PITPNM2: variants seen among roughly 807,000 people sequenced by gnomAD.
The protein encoded by PITPNM2 is phosphatidylinositol transfer protein membrane associated 2, also known as membrane-associated phosphatidylinositol transfer protein 2.
A neutral mutation model predicts 132.2 loss-of-function variants in PITPNM2; 35 were observed. The observed-to-expected ratio is 0.26, with a 90% CI of 0.20 to 0.35. PITPNM2 has a LOEUF of 0.35. PITPNM2 is among the 10% of genes least tolerant of loss of function. The pLI is 1.00. For missense variants in PITPNM2, 1,332 were observed against 1,912.0 expected (o/e 0.70, Z 5.66); for synonymous variants, 738 against 799.2 (o/e 0.92, Z 1.29).
intron 2 of PITPNM2, among the ~76,000 whole-genome samples, chr12:123,098,195 G>C (rs1235758552): frequency 6.6e-6 from 1 of 152,214 alleles, no homozygotes; most frequent in African/African-American, 2.4e-5. Flanking sequence ...TGTCCTCTGG[G>C]ATGAGCGCTG....
chr12:122,992,352 C>A lies in PITPNM2; in HGVS notation c.2404+147G>T. ...GATGCACCACCCCCACCCCCCACCCCCAACAGCTGTCCACCTCCAAGAGGC... is the reference window on the plus strand; with the variant it reads ...GATGCACCACCCCCACCCCCCACCCACAACAGCTGTCCACCTCCAAGAGGC... On this transcript the variant is annotated intron_variant, in intron 16 of 25. Transcript: ENST00000320201. This position sits in a 1 kb window ranked among gnomAD's most constrained non-coding sequence, Gnocchi z 6.5. 2.4e-6 allele frequency: 1 copy of A among 421,986 alleles called. No homozygotes were observed. The highest frequency in any genetic ancestry group is 4.2e-6 in the Non-Finnish European group (1 of 239,536). The allele number at this position is 421,986 out of a possible 1,614,324, so 26.1% of individuals were successfully genotyped here.
chr12:123,073,977 C>A (rs189337845), intron 2 of PITPNM2, among the ~76,000 whole-genome samples: 89 of 152,356 alleles, frequency 5.8e-4, no homozygotes, highest in African/African-American at 2.1e-3. Flanking sequence ...ATACTGAGCA[C>A]CCGCTGAAGG....
Position 123,034,467 on chromosome 12 carries a change from C to T in PITPNM2, c.78+46G>A, listed in dbSNP as rs2270789. ...CCCACATGTGGTGTCTGTGCGCTGGCGCGACCCACCCTCACCCCATGACCC... is the reference window on the plus strand; with the variant it reads ...CCCACATGTGGTGTCTGTGCGCTGGTGCGACCCACCCTCACCCCATGACCC... On this transcript the variant is annotated intron_variant, in intron 3 of 25. Coordinates refer to ENST00000320201, the MANE Select transcript of PITPNM2 (RefSeq NM_020845.3). The T allele has an allele frequency of 7.4e-3, 11,574 of 1,560,588 alleles. 483 individuals carry two copies. In the East Asian group the frequency reaches 0.13, roughly 18 times the overall value.
intron 16 of PITPNM2, chr12:122,991,623 C>G: frequency 1.0e-6 from 1 of 1,003,714 alleles, no homozygotes. Flanking sequence ...CCGTCCTGCC[C>G]AAGTCTCTGT....
chr12:123,146,174 G>C (rs2043614396), intron 1 of PITPNM2, among the ~76,000 whole-genome samples: 1 of 152,104 alleles, frequency 6.6e-6, no homozygotes, highest in Non-Finnish European at 1.5e-5. Context: ...GGTGGGAGGA[G>C]GGAGAGGATC....
chr12:123,124,813 T>A (rs1477397378), intron 1 of PITPNM2, among the ~76,000 whole-genome samples: 1 of 152,174 alleles, frequency 6.6e-6, no homozygotes, highest in African/African-American at 2.4e-5. Context: ...CCAAATAATA[T>A]TTAAAATATA....
chr12:123,068,110 A>G (rs2041488251), intron 2 of PITPNM2, among the ~76,000 whole-genome samples: 2 of 152,166 alleles, frequency 1.3e-5, no homozygotes, highest in South Asian at 4.1e-4. Flanking sequence ...ACCTCCCCAC[A>G]TGGTACCTGA....
At chr12:123,105,538 T>C (rs1593018792) in intron 2 of PITPNM2, 1 of 152,134 alleles carries the variant, frequency 6.6e-6, no homozygotes, top group East Asian at 1.9e-4. Context: ...GGTTCACATC[T>C]CAGGAAGTGT....
At chr12:122,991,303 G>A (rs944399468) in intron 16 of PITPNM2, among the ~76,000 whole-genome samples, 46 of 152,216 alleles carry the variant, frequency 3.0e-4, no homozygotes, top group African/African-American at 1.1e-3. Flanking sequence ...AGGGAGGATG[G>A]GGCTCAGCCA....
chr12:122,993,042 G>A lies in PITPNM2; in HGVS notation c.2234-373C>T, dbSNP rs200705475. Among the ~76,000 whole-genome samples the A allele has an allele frequency of 6.6e-6, 1 of 152,110 alleles. No individual in the cohort carries two copies. The highest frequency in any genetic ancestry group is 1.9e-4 in the East Asian group (1 of 5,182). On this transcript the variant is annotated intron_variant, in intron 15 of 25. Transcript: ENST00000320201. This position sits in a 1 kb window ranked among gnomAD's most constrained non-coding sequence, Gnocchi z 5.2. ...GGGTCTTACTATGTTATCCAGGCTGGTCTCAAACTCCTGGACTCAAGTGAT... is the reference window on the plus strand; with the variant it reads ...GGGTCTTACTATGTTATCCAGGCTGATCTCAAACTCCTGGACTCAAGTGAT...
rs926182786 is a variant in PITPNM2, at chr12:123,094,107, G to A, written c.-96+16278C>T. Among the ~76,000 whole-genome samples the A allele has an allele frequency of 7.2e-5, 11 of 152,254 alleles. 1 individual carries two copies. The South Asian group carries it at 1.0e-3, about 14-fold the overall frequency. On this transcript the variant is annotated intron_variant, in intron 2 of 25. Transcript: ENST00000320201. Reference sequence around the variant, plus strand: ...CACAAAGCATCGTCAAACACTCCAGGTGTCACTGGGCCATGGCAGCTGCTT... The same window carrying A: ...CACAAAGCATCGTCAAACACTCCAGATGTCACTGGGCCATGGCAGCTGCTT...
intron 2 of PITPNM2, among the ~76,000 whole-genome samples, chr12:123,070,479 G>A (rs1242853191): frequency 6.6e-6 from 1 of 152,210 alleles, no homozygotes; most frequent in Non-Finnish European, 1.5e-5. Context: ...GGGCATCAGG[G>A]AAGGTCTGCT....
chr12:122,998,446 C>G (rs997259742), intron 10 of PITPNM2, among the ~76,000 whole-genome samples: 1 of 152,020 alleles, frequency 6.6e-6, no homozygotes, highest in Non-Finnish European at 1.5e-5. Flanking sequence ...GAATCTGAAG[C>G]CTCTGCCACT....
At position 122,994,770 on chromosome 12, in the gene PITPNM2, A is replaced by AC. The variant is rs2038348088; in HGVS notation, c.2233+30dup. The stretch of plus-strand genomic sequence containing the variant: ...CCCCGCCCCCGCACCCAGTGCATGT[A>AC]CCCCCCATCCTGCCCCTGCTGGGCT... On this transcript the variant is annotated intron_variant, in intron 15 of 25. Coordinates refer to ENST00000320201, the MANE Select transcript of PITPNM2 (RefSeq NM_020845.3). This position sits in a 1 kb window ranked among gnomAD's most constrained non-coding sequence, Gnocchi z 5.4. The AC allele has an allele frequency of 1.3e-6, 2 of 1,591,920 alleles. No homozygotes were observed. The highest frequency in any genetic ancestry group is 1.1e-5 in the South Asian group (1 of 88,566).
rs991955581 is a variant in PITPNM2, at chr12:122,983,569, G to GGATGGGGA, written c.*2450_*2457dup. On this transcript the variant is annotated 3_prime_UTR_variant, in exon 26 of 26. Transcript: ENST00000320201. ...CCAATGATGCGGGGACAGCAGGGAC[G>GGATGGGGA]GATGGGGAGATGGGGACACTGCTCA... 1 of 152,808 alleles carries GGATGGGGA rather than the reference G, an allele frequency of 6.5e-6. No homozygotes were observed. Among genetic ancestry groups the GGATGGGGA allele is most frequent in the African/African-American group, 2.4e-5 (1 of 41,456 alleles). 9.5% of individuals were successfully genotyped at this position (152,808 alleles called of 1,614,324 possible).
intron 1 of PITPNM2, among the ~76,000 whole-genome samples, chr12:123,132,905 A>G (rs1156856903): frequency 6.6e-6 from 1 of 152,194 alleles, no homozygotes; most frequent in East Asian, 1.9e-4. Context: ...ATGGAACCAA[A>G]CAGTATGGCA....
chr12:123,132,234 G>A (rs538668383), intron 1 of PITPNM2, among the ~76,000 whole-genome samples: 2 of 152,206 alleles, frequency 1.3e-5, no homozygotes, highest in African/African-American at 2.4e-5. Context: ...GCGTTGCAGA[G>A]ACAGATGTCA....
intron 3 of PITPNM2, among the ~76,000 whole-genome samples, chr12:123,020,248 A>G (rs1181574487): frequency 6.6e-6 from 1 of 151,706 alleles, no homozygotes; most frequent in Non-Finnish European, 1.5e-5. Flanking sequence ...AGCCTCCCGA[A>G]TAGCTGGGAT....
In PITPNM2 at chr12:122,990,654, C is replaced by A; in HGVS notation, c.2460G>T (p.Ser820=). 6.2e-7 allele frequency: 1 copy of A among 1,611,698 alleles called. No homozygotes were observed. Among genetic ancestry groups the A allele is most frequent in the Non-Finnish European group, 8.5e-7 (1 of 1,179,920 alleles). Residue 820 remains serine, a synonymous_variant, in exon 17 of 26, where the codon TCG becomes TCT. Coordinates refer to ENST00000320201, the MANE Select transcript of PITPNM2 (RefSeq NM_020845.3). ...CACGACTGGCAGGGGCAGTGCCCGG[C>A]GAGGAGGGGGCGCCATGCTCTTGGA... The part of the protein sequence containing the change: ...AAFQEHGAPS[S]PGTAPASRGF...
Sources: allele counts gnomAD v4.1 joint callset (sites outside exome capture counted in the v4.1 genomes callset), GRCh38; gene constraint gnomAD v4.1.1; non-coding constraint Gnocchi (gnomAD v3.1); transcripts MANE v1.5; gene names NCBI Gene and HGNC (gene_info 2026-07-23, HGNC 2026-07-21).